Variants in ROBO2 observed in about 807,000 individuals in gnomAD.
ROBO2 encodes roundabout homolog 2.
A neutral mutation model predicts 160.8 loss-of-function variants in ROBO2; 53 were observed. The observed-to-expected ratio is 0.33, with a 90% CI of 0.26 to 0.41. ROBO2 has a LOEUF of 0.41. Among genes scored for constraint, ROBO2 ranks in the 10% least tolerant of loss-of-function variants. The pLI is 1.00. For synonymous variants in ROBO2, 664 were observed against 611.7 expected, an observed-to-expected ratio of 1.09 and a Z score of -1.26; for missense variants, 1,577 against 1,722.4, an observed-to-expected ratio of 0.92 and a Z score of 1.49.
At chr3:77,258,339 T>A (rs1345713391) in intron 2 of ROBO2, among the ~76,000 whole-genome samples, 1 of 152,172 alleles carries the variant, frequency 6.6e-6, no homozygotes, top group East Asian at 1.9e-4. Flanking sequence ...GAGGGAAATA[T>A]GAGTGCTATA....
At chr3:77,173,536 G>A (rs1451447072) in intron 2 of ROBO2, among the ~76,000 whole-genome samples, 1 of 151,868 alleles carries the variant, frequency 6.6e-6, no homozygotes, top group East Asian at 1.9e-4. Flanking sequence ...GCTTTGCTTG[G>A]CCACTTAATA....
intron 2 of ROBO2, among the ~76,000 whole-genome samples, chr3:76,136,268 T>A (rs1224159655): frequency 3.3e-5 from 5 of 152,076 alleles, no homozygotes; most frequent in Non-Finnish European, 7.4e-5. Flanking sequence ...TAAGAAAAAA[T>A]TCAATCTTGT....
At chr3:76,422,891 G>C (rs1374020314) in intron 2 of ROBO2, among the ~76,000 whole-genome samples, 1 of 152,084 alleles carries the variant, frequency 6.6e-6, no homozygotes, top group African/African-American at 2.4e-5. Context: ...AAAAAGGCGA[G>C]ATTTCTTTGT....
chr3:77,267,114 GT>G (rs1286853786), intron 2 of ROBO2, among the ~76,000 whole-genome samples: 3 of 152,108 alleles, frequency 2.0e-5, no homozygotes, highest in Non-Finnish European at 4.4e-5. Flanking sequence ...AAACATAAAA[GT>G]TCAGGGATTA....
chr3:77,370,622 A>C (rs1240134902), intron 2 of ROBO2, among the ~76,000 whole-genome samples: 1 of 152,248 alleles, frequency 6.6e-6, no homozygotes, highest in African/African-American at 2.4e-5. Context: ...GCCACATGCC[A>C]GGTCTGGCCC....
At chr3:76,068,135 A>T (rs1423316540) in intron 2 of ROBO2, among the ~76,000 whole-genome samples, 1 of 152,190 alleles carries the variant, frequency 6.6e-6, no homozygotes, top group Admixed American at 6.5e-5. Context: ...CAGAGAAGAC[A>T]AGCCATGCAG....
chr3:76,181,711 C>T (rs1701512267), intron 2 of ROBO2, among the ~76,000 whole-genome samples: 1 of 151,978 alleles, frequency 6.6e-6, no homozygotes, highest in South Asian at 2.1e-4. Flanking sequence ...CATTTTCTAG[C>T]TAGCTTTTAA....
At chr3:76,435,469 G>A in intron 2 of ROBO2, 2 of 731,428 alleles carry the variant, frequency 2.7e-6, no homozygotes, top group African/African-American at 1.7e-5. Flanking sequence ...TTCACACCGT[G>A]GGATAAATCT....
At chr3:76,518,801 A>G (rs2081462428) in intron 2 of ROBO2, among the ~76,000 whole-genome samples, 2 of 152,326 alleles carry the variant, frequency 1.3e-5, no homozygotes, top group South Asian at 4.1e-4. Flanking sequence ...TCCCTGGTGC[A>G]TAGTGTTGAG....
chr3:76,297,318 G>C (rs1223063251), intron 2 of ROBO2, among the ~76,000 whole-genome samples: 1 of 152,194 alleles, frequency 6.6e-6, no homozygotes, highest in Admixed American at 6.5e-5. Flanking sequence ...ACTTGGAGAA[G>C]CTGCCAATCT....
chr3:76,285,544 T>G (rs1353429934), intron 2 of ROBO2, among the ~76,000 whole-genome samples: 1 of 152,036 alleles, frequency 6.6e-6, no homozygotes, highest in Non-Finnish European at 1.5e-5. Context: ...GAAAATAAAA[T>G]TCCAGAGAAG....
chr3:77,074,561 A>G (rs987135373), intron 1 of ROBO2, among the ~76,000 whole-genome samples: 1 of 152,196 alleles, frequency 6.6e-6, no homozygotes, highest in African/African-American at 2.4e-5. Flanking sequence ...ATGGAAGAAG[A>G]ACCGATACAG....
intron 2 of ROBO2, among the ~76,000 whole-genome samples, chr3:76,562,937 C>G (rs573884311): frequency 2.6e-5 from 4 of 151,916 alleles, no homozygotes; most frequent in Non-Finnish European, 4.4e-5. Context: ...TCTTTCTTTT[C>G]TTTCTTTCTC....
intron 2 of ROBO2, among the ~76,000 whole-genome samples, chr3:76,258,872 G>A (rs1176470482): frequency 5.3e-5 from 8 of 151,986 alleles, no homozygotes; most frequent in African/African-American, 9.7e-5. Context: ...GTAATTGAGT[G>A]TAAGCTATAA....
chr3:77,574,320 C>T (rs1359249787), intron 13 of ROBO2, among the ~76,000 whole-genome samples, 179 bp from the exon 15 acceptor site: 1 of 151,910 alleles, frequency 6.6e-6, no homozygotes, highest in Non-Finnish European at 1.5e-5. Context: ...ATCTTAGGAG[C>T]AATCTGAACT....
At chr3:77,625,782 TAACA>T (rs1225949856) in intron 23 of ROBO2, among the ~76,000 whole-genome samples, 2 of 152,024 alleles carry the variant, frequency 1.3e-5, no homozygotes, top group East Asian at 1.9e-4. Context: ...AGAAACTAAC[TAACA>T]AACAAAAACT....
intron 1 of ROBO2, among the ~76,000 whole-genome samples, chr3:77,087,164 A>G (rs1363751598): frequency 6.6e-6 from 1 of 152,172 alleles, no homozygotes; most frequent in East Asian, 1.9e-4. Flanking sequence ...ATATCACTCC[A>G]TTCAGAGTTT....
intron 1 of ROBO2, among the ~76,000 whole-genome samples, chr3:77,042,191 T>C (rs770953240): frequency 1.7e-4 from 26 of 152,248 alleles, no homozygotes; most frequent in Non-Finnish European, 3.2e-4. Context: ...ACTGCTTCTC[T>C]CTTTTACCAG....
chr3:77,573,725 C>A (rs1294150542), intron 13 of ROBO2, among the ~76,000 whole-genome samples: 1 of 152,016 alleles, frequency 6.6e-6, no homozygotes, highest in Non-Finnish European at 1.5e-5. Flanking sequence ...GCTCTTCTTG[C>A]CTATCTAAGC....
Sources: gnomAD v4.1 joint callset for allele counts (sites outside exome capture counted in the v4.1 genomes callset) on GRCh38, gnomAD v4.1.1 for gene constraint, MANE v1.5 for transcripts, NCBI Gene and HGNC (gene_info 2026-07-23, HGNC 2026-07-21) for gene names.